Variants in AOX1 observed in about 807,000 individuals in gnomAD.
The protein encoded by AOX1 is aldehyde oxidase.
AOX1 carries 153 observed loss-of-function variants against 169.5 expected under a neutral mutation model. The observed-to-expected ratio is 0.90, with a 90% CI of 0.79 to 1.03. The LOEUF is 1.03. Among genes scored for constraint, AOX1 ranks in the 50% least tolerant of loss-of-function variants. The pLI is 0.00. For synonymous variants in AOX1, 562 were observed against 581.9 expected, an observed-to-expected ratio of 0.97 and a Z score of 0.49; for missense variants, 1,656 against 1,663.9, an observed-to-expected ratio of 1.00 and a Z score of 0.08.
At chr2:200,609,828 A>G (rs558650564) in intron 12 of AOX1, among the ~76,000 whole-genome samples, 30 of 152,344 alleles carry the variant, frequency 2.0e-4, no homozygotes, top group African/African-American at 7.0e-4. Flanking sequence ...ATGGAAACAT[A>G]CAGGTCTTTT....
At position 200,657,170 on chromosome 2, in the gene AOX1, A is replaced by ATG. The variant is rs1169078862; in HGVS notation, c.3171+234_3171+235insGT. On this transcript the variant is annotated intron_variant, in intron 27 of 34. Transcript: ENST00000374700. ...GAGATTCCATCTCTACCAAAAATAT[A>ATG]TATATATATATATATATATATTTTT... is the stretch of plus-strand genomic sequence containing the variant. 1.0e-4 allele frequency among the ~76,000 whole-genome samples: 7 copies of ATG among 70,166 alleles called. 1 individual carries two copies. Among genetic ancestry groups the ATG allele is most frequent in the African/African-American group, 3.7e-4 (7 of 18,734 alleles). 46.0% of individuals were successfully genotyped at this position (70,166 alleles called of 152,430 possible). A position where few individuals can be genotyped will look rare whatever the true frequency, so the allele number is the denominator to read the frequency against.
intron 2 of AOX1, among the ~76,000 whole-genome samples, chr2:200,593,696 G>C (rs989518223): frequency 2.0e-5 from 3 of 152,196 alleles, no homozygotes; most frequent in African/African-American, 4.8e-5. Context: ...ACCCGACGGT[G>C]AAAGACACTA....
chr2:200,661,656 C>G, intron 30 of AOX1, 25 bp downstream of exon 30: 1 of 1,574,106 alleles, frequency 6.4e-7, no homozygotes, highest in Non-Finnish European at 8.7e-7. Flanking sequence ...TGATCACATG[C>G]TATGGAGAAG....
At chr2:200,678,269 A>G (rs1181370982), downstream of AOX1, 3 of 152,236 alleles carry the variant, frequency 2.0e-5, no homozygotes, top group Admixed American at 1.3e-4. Context: ...ATGTTTTGCA[A>G]GTGGTGATGA....
rs1414375899 is a variant in AOX1 at position 200,621,190 on chromosome 2, G to A, written c.1945G>A (p.Asp649Asn). The A allele has an allele frequency of 2.5e-6, 4 of 1,614,122 alleles. No individual in the cohort carries two copies. The South Asian group carries it at 4.4e-5, about 18-fold the overall frequency. The part of the protein sequence containing the change: ...VDIMTAEHLS[D>N]VNSFCFFTEA... ...CATCATGACAGCAGAACATCTTAGT[G>A]ACGTCAACTCCTTCTGCTTTTTTAC... Residue 649 changes from aspartate (D) to asparagine (N), a missense_variant, in exon 18 of 35, where the codon GAC (aspartate) becomes AAC (asparagine). Transcript: ENST00000374700.
At chr2:200,635,579 G>A (rs765027214) in intron 21 of AOX1, among the ~76,000 whole-genome samples, 5 of 152,200 alleles carry the variant, frequency 3.3e-5, no homozygotes, top group Non-Finnish European at 7.3e-5. Flanking sequence ...GGTAAGACAA[G>A]AGAGGTCACT....
chr2:200,588,815 C>T (rs371648273), intron 1 of AOX1, among the ~76,000 whole-genome samples: 3 of 144,098 alleles, frequency 2.1e-5, no homozygotes, highest in South Asian at 2.2e-4. Flanking sequence ...CCCACCACCA[C>T]GCTAATTTTT....
chr2:200,608,955 T>G (rs372847747), intron 10 of AOX1, 29 bp from the exon 11 acceptor site: 1 of 1,606,052 alleles, frequency 6.2e-7, no homozygotes, highest in Non-Finnish European at 8.5e-7. Flanking sequence ...GTGATCGCAC[T>G]GTGTTATTTA....
At chr2:200,659,879 T>G in intron 28 of AOX1, 116 bp from the exon 29 acceptor site, 1 of 788,670 alleles carries the variant, frequency 1.3e-6, no homozygotes, top group Non-Finnish European at 2.0e-6. Flanking sequence ...GGTTGGTGTC[T>G]TATTTTTCCA....
intron 3 of AOX1, among the ~76,000 whole-genome samples, chr2:200,596,040 TA>T (rs1314417197): frequency 2.6e-5 from 4 of 152,192 alleles, no homozygotes; most frequent in Non-Finnish European, 4.4e-5. Context: ...CTCAAGGCAT[TA>T]TCTCTTCAAA....
chr2:200,673,200 T>A (rs1243358942), downstream of AOX1, among the ~76,000 whole-genome samples: 1 of 152,168 alleles, frequency 6.6e-6, no homozygotes, highest in Non-Finnish European at 1.5e-5. Flanking sequence ...TGGGCCCTCT[T>A]TCCCAGTCTC....
Position 200,603,989 on chromosome 2 carries a change from A to T in AOX1, c.589-28A>T, listed in dbSNP as rs747931915. On this transcript the variant is annotated intron_variant, in intron 7 of 34. Coordinates refer to ENST00000374700, the MANE Select transcript of AOX1 (RefSeq NM_001159.4). ...AAGGATTTTAAAGTTGCTCGATAAC[A>T]GTAATTTCTGATATGTTCTCTTTTT... 8.9e-6 allele frequency: 13 copies of T among 1,468,040 alleles called. No individual in the cohort carries two copies. In the African/African-American group the frequency reaches 1.8e-4, roughly 20 times the overall value. 90.9% of individuals were successfully genotyped at this position (1,468,040 alleles called of 1,614,324 possible). A position where few individuals can be genotyped will look rare whatever the true frequency, so the allele number is the denominator to read the frequency against.
chr2:200,609,428 C>G lies in AOX1; in HGVS notation c.1153+14C>G, dbSNP rs1038031541. 3.1e-6 allele frequency: 5 copies of G among 1,605,570 alleles called. No individual in the cohort carries two copies. In the African/African-American group the frequency reaches 6.7e-5, roughly 21 times the overall value. On this transcript the variant is annotated intron_variant, in intron 12 of 34. Coordinates refer to ENST00000374700, the MANE Select transcript of AOX1 (RefSeq NM_001159.4). ...TGCTATCAAAAGGTAAGTGACAGCC[C>G]CTACTTGGAGATTATTAAGCTGTTT...
intron 24 of AOX1, among the ~76,000 whole-genome samples, chr2:200,641,629 G>A (rs1449194900): frequency 2.0e-5 from 3 of 152,036 alleles, no homozygotes; most frequent in Non-Finnish European, 4.4e-5. Context: ...GGTGGCTCAA[G>A]CGATCCTCCC....
intron 7 of AOX1, 83 bp downstream of exon 7, chr2:200,603,439 C>A: frequency 9.7e-7 from 1 of 1,032,542 alleles, no homozygotes; most frequent in Non-Finnish European, 1.5e-6. Context: ...CAAATGGCTA[C>A]CCAAGTTGAC....
At chr2:200,614,453 T>C (rs1238781614) in intron 15 of AOX1, among the ~76,000 whole-genome samples, 2 of 152,212 alleles carry the variant, frequency 1.3e-5, no homozygotes, top group African/African-American at 4.8e-5. Context: ...TGGTCCCTAG[T>C]GCTTCAGAGG....
intron 6 of AOX1, among the ~76,000 whole-genome samples, chr2:200,602,964 A>G (rs977786781): frequency 1.3e-5 from 2 of 152,198 alleles, no homozygotes; most frequent in Non-Finnish European, 2.9e-5. Context: ...ATTAATATTT[A>G]AAATACTAAC....
At chr2:200,605,389 A>G in intron 9 of AOX1, 147 bp from the exon 10 acceptor site, 1 of 420,616 alleles carries the variant, frequency 2.4e-6, no homozygotes, top group Non-Finnish European at 4.2e-6. Context: ...TTCTCTCTGT[A>G]TGTGATTTGG....
intron 20 of AOX1, among the ~76,000 whole-genome samples, chr2:200,629,893 A>G (rs1476151258): frequency 6.6e-6 from 1 of 151,988 alleles, no homozygotes; most frequent in Non-Finnish European, 1.5e-5. Context: ...ATTGCTGCAT[A>G]CCCCATTGAT....
Sources: gnomAD v4.1 joint callset for allele counts (sites outside exome capture counted in the v4.1 genomes callset) on GRCh38, gnomAD v4.1.1 for gene constraint, MANE v1.5 for transcripts, NCBI Gene and HGNC (gene_info 2026-07-23, HGNC 2026-07-21) for gene names.